UNC5D: variants seen among roughly 807,000 people sequenced by gnomAD.
UNC5D encodes the protein unc-5 netrin receptor D.
Under a neutral mutation model 105.4 loss-of-function variants are expected in UNC5D, and 39 were observed. The observed-to-expected ratio is 0.37, with a 90% CI of 0.29 to 0.48. UNC5D has a LOEUF of 0.48. Among genes scored for constraint, UNC5D ranks in the 20% least tolerant of loss-of-function variants. The probability of loss-of-function intolerance (pLI) is 0.98; values close to 1 mark genes in which losing one functional copy is unlikely to be tolerated. For missense variants in UNC5D, 991 were observed against 1,202.4 expected (o/e 0.82, Z 2.60); for synonymous variants, 452 against 450.4 (o/e 1.00, Z -0.04).
At chr8:35,379,092 C>T (rs1013931124) in intron 1 of UNC5D, among the ~76,000 whole-genome samples, 1 of 152,134 alleles carries the variant, frequency 6.6e-6, no homozygotes, top group East Asian at 1.9e-4. Flanking sequence ...GGATTTCCTC[C>T]ATTGCTGACT....
At chr8:35,427,809 A>T (rs1325626280) in intron 1 of UNC5D, among the ~76,000 whole-genome samples, 1 of 152,176 alleles carries the variant, frequency 6.6e-6, no homozygotes, top group Non-Finnish European at 1.5e-5. Flanking sequence ...ATCAAAAGAA[A>T]GTTGACTCTG....
At chr8:35,562,769 T>G (rs945976518) in intron 2 of UNC5D, among the ~76,000 whole-genome samples, 5 of 152,206 alleles carry the variant, frequency 3.3e-5, no homozygotes, top group African/African-American at 1.2e-4. Context: ...GTGGGTTGTC[T>G]TTTAGTTATT....
intron 1 of UNC5D, among the ~76,000 whole-genome samples, chr8:35,325,961 C>T (rs1810123895): frequency 1.3e-5 from 2 of 152,144 alleles, no homozygotes; most frequent in Non-Finnish European, 2.9e-5. Flanking sequence ...TTACCATCAT[C>T]CTAACTGGCA....
intron 1 of UNC5D, among the ~76,000 whole-genome samples, chr8:35,346,112 A>G (rs954637042): frequency 2.0e-5 from 3 of 151,974 alleles, no homozygotes; most frequent in African/African-American, 4.8e-5. Flanking sequence ...CCCTGGGGTA[A>G]AAGGAAAATG....
intron 3 of UNC5D, among the ~76,000 whole-genome samples, chr8:35,587,283 A>C (rs1441424123): frequency 6.7e-6 from 1 of 150,104 alleles, no homozygotes; most frequent in South Asian, 2.1e-4. Flanking sequence ...GTACCATTCA[A>C]ACACACACAC....
At chr8:35,288,744 TA>T (rs1806808177) in intron 1 of UNC5D, among the ~76,000 whole-genome samples, 1 of 152,196 alleles carries the variant, frequency 6.6e-6, no homozygotes, top group Admixed American at 6.5e-5. Flanking sequence ...GTGTAGTTTT[TA>T]TATGCATGTA....
chr8:35,702,805 A>G (rs1827302094), intron 7 of UNC5D, among the ~76,000 whole-genome samples: 1 of 152,144 alleles, frequency 6.6e-6, no homozygotes, highest in African/African-American at 2.4e-5. Flanking sequence ...TGCTGATGCC[A>G]GGGGACTAAA....
At chr8:35,505,824 G>A (rs781613771) in intron 1 of UNC5D, among the ~76,000 whole-genome samples, 13 of 152,264 alleles carry the variant, frequency 8.5e-5, no homozygotes, top group East Asian at 7.7e-4. Context: ...CTCTGGAGCC[G>A]GACTGCCTTT....
At chr8:35,716,828 AT>A (rs1410031589) in intron 8 of UNC5D, among the ~76,000 whole-genome samples, 1 of 152,238 alleles carries the variant, frequency 6.6e-6, no homozygotes, top group Non-Finnish European at 1.5e-5. Flanking sequence ...TTTCTGATGC[AT>A]CAAATTAAAG....
chr8:35,741,777 T>A (rs1829776930), intron 11 of UNC5D, among the ~76,000 whole-genome samples: 1 of 151,996 alleles, frequency 6.6e-6, no homozygotes, highest in South Asian at 2.1e-4. Context: ...TGCTTTGGAT[T>A]TTTTTTTAAG....
chr8:35,751,586 T>C (rs1830284232), intron 13 of UNC5D, among the ~76,000 whole-genome samples: 1 of 152,170 alleles, frequency 6.6e-6, no homozygotes, highest in African/African-American at 2.4e-5. Context: ...CAAGATGAAG[T>C]TGGTTAGGTC....
chr8:35,401,144 C>T (rs923283812), intron 1 of UNC5D, among the ~76,000 whole-genome samples: 8 of 151,904 alleles, frequency 5.3e-5, no homozygotes, highest in Non-Finnish European at 1.0e-4. Context: ...TCCATTTAAC[C>T]ATGATAAAGA....
rs780208018 is a variant in UNC5D, at chr8:35,726,463, A to G, written c.1615A>G (p.Arg539Gly). 6.2e-7 allele frequency: 1 copy of G among 1,614,004 alleles called. No individual in the cohort carries two copies. Among genetic ancestry groups the G allele is most frequent in the Non-Finnish European group, 8.5e-7 (1 of 1,180,022 alleles). The change falls in exon 10 of 17, where the codon AGG becomes GGG. Residue 539 changes from arginine to glycine, a missense_variant. Arg to Gly is a moderately radical substitution (Grantham distance 125). Around this residue, in one of 3 missense-constraint regions of UNC5D, gnomAD observed 944 missense variants for 1,131.6 expected, o/e 0.83. Transcript: ENST00000404895. ...CCAAAATCTGTCATCACTCCCCACA[A>G]GGACAGAACTGAGGACAACTGGTGT... ...YIQNLSSLPT[R>G]TELRTTGVFG...
intron 1 of UNC5D, among the ~76,000 whole-genome samples, chr8:35,293,313 T>C (rs1807218975): frequency 6.6e-6 from 1 of 152,228 alleles, no homozygotes; most frequent in Admixed American, 6.5e-5. Flanking sequence ...AGGCTACTGA[T>C]ACTCCTTCCA....
chr8:35,605,923 TA>T (rs1168100154), intron 4 of UNC5D, among the ~76,000 whole-genome samples: 1 of 152,154 alleles, frequency 6.6e-6, no homozygotes, highest in African/African-American at 2.4e-5. Flanking sequence ...TGAATTTATA[TA>T]AAAGTTGAAG....
chr8:35,612,347 A>G (rs1004563668), intron 4 of UNC5D, among the ~76,000 whole-genome samples: 2 of 152,030 alleles, frequency 1.3e-5, no homozygotes, highest in South Asian at 4.1e-4. Context: ...GAAAGAATGT[A>G]TTTTTTGTAT....
chr8:35,595,633 A>G lies in UNC5D; in HGVS notation c.546A>G (p.Pro182=), dbSNP rs919102724. 41 of 1,614,022 alleles carry G rather than the reference A, an allele frequency of 2.5e-5. No individual in the cohort carries two copies. The highest frequency in any genetic ancestry group is 3.3e-5 in the Non-Finnish European group (39 of 1,179,972). ...GCATGATTGTACTGCACTGCCGCCC[A>G]CCAGAGGGAGTCCCTGCTGCCGAGG... ...IEGMIVLHCR[P]PEGVPAAEVE... is the part of the protein sequence containing the mutation. Residue 182 remains proline, a synonymous_variant, in exon 4 of 17, where the codon CCA becomes CCG. Transcript: ENST00000404895.
chr8:35,726,267 A>G lies in UNC5D; in HGVS notation c.1419A>G (p.Ser473=). The G allele has an allele frequency of 6.2e-7, 1 of 1,613,974 alleles. No homozygotes were observed. The highest frequency in any genetic ancestry group is 1.3e-5 in the African/African-American group (1 of 74,986). Residue 473 remains serine (S), a synonymous_variant, in exon 10 of 17, where the codon TCA becomes TCG. Coordinates refer to ENST00000404895, the MANE Select transcript of UNC5D (RefSeq NM_080872.4). ...ACAAGGAGCTCATGACAGAGTCCTC[A>G]CTCTTTAACCCTTTGTCGGACATCA... is the stretch of plus-strand genomic sequence containing the variant. ...PLDKELMTES[S]LFNPLSDIKV...
At chr8:35,320,141 T>C (rs1180924809) in intron 1 of UNC5D, among the ~76,000 whole-genome samples, 2 of 151,932 alleles carry the variant, frequency 1.3e-5, no homozygotes, top group Non-Finnish European at 2.9e-5. Context: ...TAGGGAGACA[T>C]AAGACATCAA....
Sources: gnomAD v4.1 joint callset for allele counts (sites outside exome capture counted in the v4.1 genomes callset) on GRCh38, gnomAD v4.1.1 for gene constraint, gnomAD v4.1.1 regional missense constraint, MANE v1.5 for transcripts, NCBI Gene and HGNC (gene_info 2026-07-23, HGNC 2026-07-21) for gene names.